Variants in FOCAD observed in about 807,000 individuals in gnomAD.
FOCAD encodes KIAA1797.
In FOCAD, 198 loss-of-function variants were observed where a neutral mutation model predicts 225.6. That is an observed-to-expected ratio of 0.88 (90% CI 0.78 to 0.99). The LOEUF is 0.99. FOCAD is among the 50% of genes least tolerant of loss of function. The pLI, the probability that FOCAD is intolerant of heterozygous loss-of-function variation, is 0.00. For synonymous variants in FOCAD, 897 were observed against 755.0 expected (o/e 1.19, Z -3.08); for missense variants, 2,713 against 2,123.6 (o/e 1.28, Z -5.46).
At chr9:20,669,766 C>G (rs754952991) in intron 2 of FOCAD, among the ~76,000 whole-genome samples, 1 of 151,870 alleles carries the variant, frequency 6.6e-6, no homozygotes, top group African/African-American at 2.4e-5. Flanking sequence ...CAGAGCAAGA[C>G]TTCATCTCAA....
intron 35 of FOCAD, among the ~76,000 whole-genome samples, chr9:20,967,710 T>C (rs1839391544): frequency 6.6e-6 from 1 of 152,156 alleles, no homozygotes; most frequent in South Asian, 2.1e-4. Context: ...TCAATGATTT[T>C]TCTGTGTCAA....
At chr9:20,852,888 G>A (rs2131630685) in intron 15 of FOCAD, among the ~76,000 whole-genome samples, 1 of 151,702 alleles carries the variant, frequency 6.6e-6, no homozygotes, top group East Asian at 1.9e-4. Flanking sequence ...CTTCCCAGTA[G>A]TTCGATTTAT....
chr9:20,758,035 T>C, intron 5 of FOCAD, 55 bp from the exon 6 acceptor site: 1 of 1,196,532 alleles, frequency 8.4e-7, no homozygotes, highest in Non-Finnish European at 1.2e-6. Context: ...ATTTGGATAT[T>C]GAAAATGTGT....
In FOCAD at chr9:20,981,164, A is replaced by C. The variant is rs1483262667; in HGVS notation, c.4378-262A>C. Among the ~76,000 whole-genome samples the C allele has an allele frequency of 2.0e-5, 3 of 152,216 alleles. No individual in the cohort carries two copies. In the East Asian group the frequency reaches 5.8e-4, roughly 29 times the overall value. ...GAAACCTTGAAAACATCCAAGGTTT[A>C]AGCTGAGTAGTTCACAGATGGGTTG... On this transcript the variant is annotated intron_variant, in intron 37 of 43. Coordinates refer to ENST00000338382, the MANE Select transcript of FOCAD (RefSeq NM_001375567.1).
intron 3 of FOCAD, among the ~76,000 whole-genome samples, chr9:20,719,185 A>G (rs1431082039): frequency 1.3e-5 from 2 of 151,882 alleles, no homozygotes; most frequent in African/African-American, 4.8e-5. Context: ...GGGTTCAAGC[A>G]GTTCTCATAT....
Position 20,765,086 on chromosome 9 carries a change from T to G in FOCAD, c.699+13T>G, listed in dbSNP as rs1829943308. Reference sequence around the variant, plus strand: ...TCCATGTTTGCAGGTAAGGTCTTTGTCCTCCTCCACAAATATAGGTCAGCA... The same window carrying G: ...TCCATGTTTGCAGGTAAGGTCTTTGGCCTCCTCCACAAATATAGGTCAGCA... On this transcript the variant is annotated intron_variant, in intron 7 of 43. Coordinates refer to ENST00000338382, the MANE Select transcript of FOCAD (RefSeq NM_001375567.1). The G allele has an allele frequency of 6.2e-7, 1 of 1,606,770 alleles. No individual in the cohort carries two copies. Among genetic ancestry groups the G allele is most frequent in the Admixed American group, 1.7e-5 (1 of 59,576 alleles).
intron 28 of FOCAD, among the ~76,000 whole-genome samples, chr9:20,942,246 A>G (rs573354881): frequency 1.3e-5 from 2 of 152,350 alleles, no homozygotes; most frequent in South Asian, 4.1e-4. Context: ...ATTTTAGGTA[A>G]ATGTGAACTA....
intron 22 of FOCAD, among the ~76,000 whole-genome samples, chr9:20,909,872 C>T (rs1258490294): frequency 6.6e-6 from 1 of 152,070 alleles, no homozygotes; most frequent in Non-Finnish European, 1.5e-5. Context: ...GACACTTTTT[C>T]TGTACAGGAA....
chr9:20,956,030 A>C (rs867195708), intron 35 of FOCAD, among the ~76,000 whole-genome samples: 4 of 152,242 alleles, frequency 2.6e-5, no homozygotes, highest in South Asian at 4.1e-4. Flanking sequence ...TTAACTAAGC[A>C]AAGTATATTT....
In FOCAD at chr9:20,731,928, T is replaced by C. The variant is rs545830011; in HGVS notation, c.288-8308T>C. Reference sequence around the variant, plus strand: ...CACTATACCTGGCCAATTAAACATATTTATTGAGTATATTTATTTATTATT... The same window carrying C: ...CACTATACCTGGCCAATTAAACATACTTATTGAGTATATTTATTTATTATT... On this transcript the variant is annotated intron_variant, in intron 4 of 43. Coordinates refer to ENST00000338382, the MANE Select transcript of FOCAD (RefSeq NM_001375567.1). 2.6e-5 allele frequency among the ~76,000 whole-genome samples: 4 copies of C among 152,272 alleles called. No homozygotes were observed. The South Asian group carries it at 6.2e-4, about 24-fold the overall frequency.
intron 11 of FOCAD, among the ~76,000 whole-genome samples, chr9:20,800,773 C>T (rs912597352): frequency 5.3e-5 from 8 of 152,194 alleles, no homozygotes; most frequent in Non-Finnish European, 1.0e-4. Flanking sequence ...AGGTTTTTAA[C>T]TTCTTTGCCA....
chr9:20,955,057 T>C (rs1329240689), intron 35 of FOCAD, among the ~76,000 whole-genome samples: 1 of 152,234 alleles, frequency 6.6e-6, no homozygotes, highest in Non-Finnish European at 1.5e-5. Flanking sequence ...TGGATGTCAC[T>C]CATCAGAGCC....
At chr9:20,720,264 T>C in intron 3 of FOCAD, 116 bp from the exon 4 acceptor site, 2 of 1,001,870 alleles carry the variant, frequency 2.0e-6, no homozygotes, top group South Asian at 1.6e-5. Flanking sequence ...GCATCATCTT[T>C]ATAAAGGAAA....
chr9:20,896,792 A>C (rs774504508), intron 21 of FOCAD, among the ~76,000 whole-genome samples: 2 of 151,756 alleles, frequency 1.3e-5, no homozygotes, highest in Non-Finnish European at 2.9e-5. Context: ...AAATTTGTTA[A>C]GGTGTGTTTT....
intron 40 of FOCAD, among the ~76,000 whole-genome samples, chr9:20,987,523 G>T (rs983469506): frequency 6.7e-6 from 1 of 150,022 alleles, no homozygotes; most frequent in Non-Finnish European, 1.5e-5. Context: ...AAAAAAAAAA[G>T]AAATTTTGAT....
At chr9:20,972,066 A>G (rs996327586) in intron 35 of FOCAD, among the ~76,000 whole-genome samples, 13 of 152,150 alleles carry the variant, frequency 8.5e-5, no homozygotes, top group African/African-American at 3.1e-4. Context: ...ATGGGTTTGC[A>G]AGATCTCTTC....
intron 25 of FOCAD, 91 bp from the exon 26 acceptor site, chr9:20,926,210 T>C: frequency 3.9e-6 from 3 of 773,732 alleles, no homozygotes; most frequent in East Asian, 2.5e-5. Context: ...CACTTTATTG[T>C]TTAATATAGA....
At chr9:20,823,180 A>C in intron 15 of FOCAD, 65 bp downstream of exon 15, 2 of 1,490,604 alleles carry the variant, frequency 1.3e-6, no homozygotes, top group Non-Finnish European at 1.8e-6. Flanking sequence ...GAGTGGGTAC[A>C]AGAATGTAAG....
chr9:20,662,178 A>G (rs1261555452), intron 2 of FOCAD, among the ~76,000 whole-genome samples: 1 of 151,172 alleles, frequency 6.6e-6, no homozygotes, highest in Non-Finnish European at 1.5e-5. Flanking sequence ...CATAAAGTGG[A>G]AATATATGTG....
Sources: allele counts gnomAD v4.1 joint callset (sites outside exome capture counted in the v4.1 genomes callset), GRCh38; gene constraint gnomAD v4.1.1; transcripts MANE v1.5; gene names NCBI Gene and HGNC (gene_info 2026-07-23, HGNC 2026-07-21).